The following FAM168B variants were observed in gnomAD, a reference collection of about 807,000 sequenced individuals.
FAM168B encodes the protein family with sequence similarity 168 member B, also known as myelin-associated neurite-outgrowth inhibitor.
A neutral mutation model predicts 21.8 loss-of-function variants in FAM168B; 19 were observed. That is an observed-to-expected ratio of 0.87 (90% CI 0.61 to 1.28). The LOEUF is 1.28. Ranked by LOEUF, FAM168B falls within the 50% of genes most tolerant of loss-of-function variation. The probability of loss-of-function intolerance (pLI) is 0.00; values close to 1 mark genes in which losing one functional copy is unlikely to be tolerated. For synonymous variants in FAM168B, 126 were observed against 104.8 expected, an observed-to-expected ratio of 1.20 and a Z score of -1.24; for missense variants, 233 against 263.1, an observed-to-expected ratio of 0.89 and a Z score of 0.79.
At chr2:131,077,679 G>A (rs1693227360) in intron 2 of FAM168B, among the ~76,000 whole-genome samples, 1 of 152,214 alleles carries the variant, frequency 6.6e-6, no homozygotes, top group Non-Finnish European at 1.5e-5. Context: ...CTGGACAGAA[G>A]GCCGTGGCTG....
chr2:131,072,022 C>A, intron 2 of FAM168B, 84 bp from the exon 3 acceptor site: 1 of 1,238,750 alleles, frequency 8.1e-7, no homozygotes, highest in South Asian at 1.2e-5. Context: ...TCGCTCTTAC[C>A]TTCTTCCCCA....
intron 1 of FAM168B, among the ~76,000 whole-genome samples, chr2:131,084,994 T>A (rs965186949): frequency 1.3e-5 from 2 of 152,136 alleles, no homozygotes; most frequent in African/African-American, 4.8e-5. Context: ...TGTATTAAAG[T>A]GTAAGCTTTC....
rs1332960714 is a variant in FAM168B at position 131,048,018 on chromosome 2, TAACTG to T, written c.*4442_*4446del. On this transcript the variant is annotated 3_prime_UTR_variant, in exon 7 of 7. Transcript: ENST00000389915. ...AATTAAAATAGTATCAATTGACACC[TAACTG>T]AACTGGCTCAGGATGGAAATTCCAT... 2.9e-6 allele frequency: 1 copy of T among 344,934 alleles called. No homozygotes were observed. Among genetic ancestry groups the T allele is most frequent in the East Asian group, 8.4e-5 (1 of 11,950 alleles). The allele number at this position is 344,934 out of a possible 1,614,324, so 21.4% of individuals were successfully genotyped here. A position where few individuals can be genotyped will look rare whatever the true frequency, so the allele number is the denominator to read the frequency against.
In FAM168B at chr2:131,048,256, G is replaced by A. The variant is rs1041418831; in HGVS notation, c.*4209C>T. The stretch of plus-strand genomic sequence containing the variant: ...AGGGCCTCTCCGTGTGGCCAGCACA[G>A]CAACCCTGCTAGGAGCACAAACGGC... On this transcript the variant is annotated 3_prime_UTR_variant, in exon 7 of 7. Coordinates refer to ENST00000389915, the MANE Select transcript of FAM168B (RefSeq NM_001009993.4). 3 of 1,304,202 alleles carry A rather than the reference G, an allele frequency of 2.3e-6. No individual in the cohort carries two copies. The highest frequency in any genetic ancestry group is 1.5e-5 in the African/African-American group (1 of 65,992). The allele number at this position is 1,304,202 out of a possible 1,614,324, so 80.8% of individuals were successfully genotyped here. A position where few individuals can be genotyped will look rare whatever the true frequency, so the allele number is the denominator to read the frequency against.
chr2:131,052,867 G>T, intron 6 of FAM168B, 24 bp downstream of exon 6: 1 of 1,547,498 alleles, frequency 6.5e-7, no homozygotes, highest in Non-Finnish European at 8.7e-7. Flanking sequence ...TCAAAGGCTA[G>T]CCCAGCCTTC....
At chr2:131,079,003 A>T (rs555950505) in intron 2 of FAM168B, among the ~76,000 whole-genome samples, 3 of 151,986 alleles carry the variant, frequency 2.0e-5, no homozygotes, top group Admixed American at 6.6e-5. Context: ...AAAAAAAAAA[A>T]TTATTTTGAC....
intron 3 of FAM168B, among the ~76,000 whole-genome samples, chr2:131,057,638 A>G (rs1692092087): frequency 6.6e-6 from 1 of 152,184 alleles, no homozygotes; most frequent in Non-Finnish European, 1.5e-5. Flanking sequence ...TGAAAAAATG[A>G]GCTGAGTATA....
intron 1 of FAM168B, among the ~76,000 whole-genome samples, chr2:131,086,940 C>T (rs1693734930): frequency 7.7e-6 from 1 of 129,098 alleles, no homozygotes. Context: ...TGGCGGGCGC[C>T]TGTAGTCCCA....
At chr2:131,054,202 C>T (rs759546822) in intron 5 of FAM168B, among the ~76,000 whole-genome samples, 1 of 150,016 alleles carries the variant, frequency 6.7e-6, no homozygotes, top group South Asian at 2.1e-4. Context: ...GGATGAGACC[C>T]TGTCTTAAAA....
At chr2:131,079,220 G>A (rs1285133500) in intron 2 of FAM168B, among the ~76,000 whole-genome samples, 2 of 152,176 alleles carry the variant, frequency 1.3e-5, no homozygotes, top group Non-Finnish European at 2.9e-5. Context: ...GCTCAGGCCT[G>A]TAATCCCAGC....
At chr2:131,062,283 C>T (rs1246107245) in intron 3 of FAM168B, among the ~76,000 whole-genome samples, 1 of 152,210 alleles carries the variant, frequency 6.6e-6, no homozygotes, top group African/African-American at 2.4e-5. Context: ...TCTGGCCCAC[C>T]ACAGCCACTG....
chr2:131,086,431 G>C (rs1029753115), intron 1 of FAM168B, among the ~76,000 whole-genome samples: 1 of 152,108 alleles, frequency 6.6e-6, no homozygotes, highest in African/African-American at 2.4e-5. Flanking sequence ...TGGCAATATG[G>C]CAAGACCCTG....
chr2:131,077,541 T>C (rs1693220809), intron 2 of FAM168B, among the ~76,000 whole-genome samples: 1 of 152,206 alleles, frequency 6.6e-6, no homozygotes, highest in South Asian at 2.1e-4. Flanking sequence ...AATGTTTATG[T>C]TCCTAACTCC....
At position 131,049,935 on chromosome 2, in the gene FAM168B, A is replaced by G. The variant is rs1350705145; in HGVS notation, c.*2530T>C. ...TATGACAGTTTTGTGACTATTTCCT[A>G]AGTCCAGATTCTTACCTGATATCTA... is the stretch of plus-strand genomic sequence containing the variant. On this transcript the variant is annotated 3_prime_UTR_variant, in exon 7 of 7. Transcript: ENST00000389915. 1.0e-6 allele frequency: 1 copy of G among 985,420 alleles called. No homozygotes were observed. The highest frequency in any genetic ancestry group is 1.2e-6 in the Non-Finnish European group (1 of 829,954). 61.0% of individuals were successfully genotyped at this position (985,420 alleles called of 1,614,324 possible). A position where few individuals can be genotyped will look rare whatever the true frequency, so the allele number is the denominator to read the frequency against.
chr2:131,057,226 C>G (rs969161549), intron 3 of FAM168B, among the ~76,000 whole-genome samples: 9 of 152,172 alleles, frequency 5.9e-5, no homozygotes, highest in African/African-American at 2.2e-4. Flanking sequence ...CCACGAAAGA[C>G]TTGTAAAAAG....
At chr2:131,082,693 T>G (rs539724411) in intron 1 of FAM168B, 36 bp from the exon 2 acceptor site, 1 of 1,456,744 alleles carries the variant, frequency 6.9e-7, no homozygotes, top group Non-Finnish European at 9.4e-7. Context: ...CCAAGCACTT[T>G]TGCTCTCAGA....
chr2:131,085,620 C>T (rs1693653924), intron 1 of FAM168B, among the ~76,000 whole-genome samples: 1 of 152,214 alleles, frequency 6.6e-6, no homozygotes, highest in Admixed American at 6.5e-5. Flanking sequence ...AATATTAGGT[C>T]ACATCCTTAG....
chr2:131,056,403 G>T (rs547190429), intron 3 of FAM168B, among the ~76,000 whole-genome samples: 1 of 152,184 alleles, frequency 6.6e-6, no homozygotes, highest in Non-Finnish European at 1.5e-5. Context: ...GAGCAGACTC[G>T]AGAAGAAGGC....
In FAM168B at chr2:131,055,182, T is replaced by A. The variant is rs536334706; in HGVS notation, c.475+90A>T. ...CCACACAACTACAGCTATGAAAACC[T>A]AGAGCCAAGGGTCAGAGGATTCGTG... On this transcript the variant is annotated intron_variant, in intron 5 of 6. Transcript: ENST00000389915. 6.0e-5 allele frequency: 76 copies of A among 1,272,610 alleles called. 1 individual carries two copies. The African/African-American group carries it at 9.5e-4, about 16-fold the overall frequency. The allele number at this position is 1,272,610 out of a possible 1,614,324, so 78.8% of individuals were successfully genotyped here. A position where few individuals can be genotyped will look rare whatever the true frequency, so the allele number is the denominator to read the frequency against.
Sources: gnomAD v4.1 joint callset for allele counts (sites outside exome capture counted in the v4.1 genomes callset) on GRCh38, gnomAD v4.1.1 for gene constraint, MANE v1.5 for transcripts, NCBI Gene and HGNC (gene_info 2026-07-23, HGNC 2026-07-21) for gene names.